MAP4K4: variants seen among roughly 807,000 people sequenced by gnomAD.
MAP4K4 encodes mitogen-activated protein kinase kinase kinase kinase 4.
A neutral mutation model predicts 189.6 loss-of-function variants in MAP4K4; 38 were observed. That is an observed-to-expected ratio of 0.20 (90% CI 0.15 to 0.26). The LOEUF (loss-of-function observed/expected upper bound fraction) is 0.26. Among genes scored for constraint, MAP4K4 ranks in the 10% least tolerant of loss-of-function variants. MAP4K4 has a pLI of 1.00. For missense variants in MAP4K4, 1,054 were observed against 1,726.9 expected (o/e 0.61, Z 6.91); for synonymous variants, 610 against 624.3 (o/e 0.98, Z 0.34).
rs184536120 is a variant in MAP4K4 at position 101,869,950 on chromosome 2, C to G, written c.2639+153C>G. ...AGCAGCAGGTCGCCTTGTGTTTCCC[C>G]TTCTCTTCGTTGGTGTGTGCATATG... On this transcript the variant is annotated intron_variant, in intron 22 of 32. Transcript: ENST00000324219. 1.2e-3 allele frequency: 1,246 copies of G among 1,018,166 alleles called. 1 individual carries two copies. The highest frequency in any genetic ancestry group is 9.9e-4 in the Non-Finnish European group (710 of 720,746). 63.1% of individuals were successfully genotyped at this position (1,018,166 alleles called of 1,614,324 possible).
intron 9 of MAP4K4, among the ~76,000 whole-genome samples, chr2:101,838,616 T>G (rs1382834503): frequency 2.0e-5 from 3 of 152,260 alleles, no homozygotes; most frequent in African/African-American, 7.2e-5. Flanking sequence ...AGGTTTTTTC[T>G]TCCTCTGTAA....
At chr2:101,783,442 T>G (rs1000541378) in intron 2 of MAP4K4, among the ~76,000 whole-genome samples, 1 of 152,146 alleles carries the variant, frequency 6.6e-6, no homozygotes, top group Non-Finnish European at 1.5e-5. Context: ...ACTTTTCTTA[T>G]AATCTTGAAG....
chr2:101,731,297 A>G lies in MAP4K4; in HGVS notation c.123+32759A>G, dbSNP rs189992153. Among the ~76,000 whole-genome samples, 46 of 151,586 alleles carry G rather than the reference A, an allele frequency of 3.0e-4. No homozygotes were observed. In the East Asian group the frequency reaches 9.0e-3, roughly 30 times the overall value. ...ATGCCTGGCTCATTTTTGTATTTTT[A>G]GTAGAGATGGGGTTTCACCATGTTG... On this transcript the variant is annotated intron_variant, in intron 2 of 32. Transcript: ENST00000324219.
chr2:101,881,976 A>G (rs879796816), intron 27 of MAP4K4, among the ~76,000 whole-genome samples: 3 of 152,202 alleles, frequency 2.0e-5, no homozygotes, highest in Admixed American at 2.0e-4. Flanking sequence ...GCTGCTATGA[A>G]CATTCCTGTT....
intron 2 of MAP4K4, among the ~76,000 whole-genome samples, chr2:101,781,437 T>G (rs1413537987): frequency 6.6e-6 from 1 of 152,098 alleles, no homozygotes; most frequent in Non-Finnish European, 1.5e-5. Context: ...ATTTATTGGC[T>G]CATGACTCTG....
At chr2:101,824,078 T>G (rs778658651) in intron 4 of MAP4K4, 25 bp downstream of exon 4, 30 of 1,230,600 alleles carry the variant, frequency 2.4e-5, no homozygotes, top group Non-Finnish European at 2.8e-5. Context: ...CCTGAGCATT[T>G]GTGGGCATTC....
intron 4 of MAP4K4, among the ~76,000 whole-genome samples, chr2:101,824,747 A>G (rs2096275687): frequency 6.6e-6 from 1 of 152,230 alleles, no homozygotes; most frequent in South Asian, 2.1e-4. Context: ...GATCATAGTT[A>G]AAATTTTAGA....
At chr2:101,892,278 T>C (rs577449392) in exon 33 of MAP4K4, 14 of 152,822 alleles carry the variant, frequency 9.2e-5, no homozygotes, top group African/African-American at 2.7e-4. Context: ...ACCATTAATG[T>C]TTAATTTAAT....
exon 10 of MAP4K4, chr2:101,839,990 G>A (rs2096867723): frequency 6.3e-7 from 1 of 1,596,012 alleles, no homozygotes; most frequent in East Asian, 2.2e-5. Flanking sequence ...AGAGAGGCGA[G>A]AAAGGTACTA....
At chr2:101,704,182 G>GA (rs1199041519) in intron 2 of MAP4K4, among the ~76,000 whole-genome samples, 2 of 152,074 alleles carry the variant, frequency 1.3e-5, no homozygotes, top group African/African-American at 4.8e-5. Flanking sequence ...TTTTCATTAG[G>GA]AGGAGATTGT....
At chr2:101,871,639 C>T (rs1295029408) in exon 24 of MAP4K4, 2 of 1,536,842 alleles carry the variant, frequency 1.3e-6, no homozygotes, top group African/African-American at 1.4e-5. Flanking sequence ...CAGCCGACAC[C>T]CACCATGTCC....
At chr2:101,839,749 GTAAGTT>G (rs1400399180) in intron 9 of MAP4K4, 64 bp from the exon 10 acceptor site, 1 of 1,192,310 alleles carries the variant, frequency 8.4e-7, no homozygotes, top group Non-Finnish European at 1.2e-6. Flanking sequence ...GTTGAGGCTT[GTAAGTT>G]ACTGATATTT....
chr2:101,768,434 A>G (rs1026284797), intron 2 of MAP4K4, among the ~76,000 whole-genome samples: 2 of 152,226 alleles, frequency 1.3e-5, no homozygotes, highest in Admixed American at 6.5e-5. Context: ...CTAAAACACC[A>G]CATTGCTGTC....
exon 7 of MAP4K4, chr2:101,831,734 G>A: frequency 5.6e-6 from 9 of 1,599,482 alleles, no homozygotes; most frequent in Non-Finnish European, 6.8e-6. Flanking sequence ...ACTTTGGTGT[G>A]AGTGCTCAGC....
chr2:101,844,051 A>T, intron 11 of MAP4K4, 50 bp from the exon 12 acceptor site: 1 of 1,306,538 alleles, frequency 7.7e-7, no homozygotes, highest in Non-Finnish European at 1.1e-6. Flanking sequence ...ACTCACTTAT[A>T]GGACAGTGTG....
intron 2 of MAP4K4, among the ~76,000 whole-genome samples, chr2:101,767,836 A>AT (rs1301473461): frequency 6.6e-6 from 1 of 152,196 alleles, no homozygotes; most frequent in Non-Finnish European, 1.5e-5. Context: ...GGGCCTGCTA[A>AT]TAACTGGGCT....
chr2:101,758,809 AGT>A (rs2074241499), intron 2 of MAP4K4, among the ~76,000 whole-genome samples: 1 of 152,190 alleles, frequency 6.6e-6, no homozygotes, highest in Non-Finnish European at 1.5e-5. Flanking sequence ...TTAAAATGAA[AGT>A]GATCTCTTAT....
At chr2:101,806,854 T>C (rs533961389) in intron 3 of MAP4K4, among the ~76,000 whole-genome samples, 1 of 152,280 alleles carries the variant, frequency 6.6e-6, no homozygotes, top group South Asian at 2.1e-4. Flanking sequence ...TGTACAGATG[T>C]TTTTGTTCAA....
intron 2 of MAP4K4, among the ~76,000 whole-genome samples, chr2:101,742,158 G>A (rs999863071): frequency 8.5e-5 from 13 of 152,140 alleles, no homozygotes; most frequent in East Asian, 1.9e-4. Context: ...TCAGAGTCCC[G>A]CACTCTTGGG....
Sources: allele counts gnomAD v4.1 joint callset (sites outside exome capture counted in the v4.1 genomes callset), GRCh38; gene constraint gnomAD v4.1.1; transcripts MANE v1.5; gene names NCBI Gene and HGNC (gene_info 2026-07-23, HGNC 2026-07-21).